ADGRL2: variants seen among roughly 807,000 people sequenced by gnomAD.
ADGRL2 encodes adhesion G protein-coupled receptor L2, also known as calcium-independent alpha-latrotoxin receptor 2.
A neutral mutation model predicts 157.4 loss-of-function variants in ADGRL2; 44 were observed. The ratio of observed to expected loss-of-function variants is 0.28; its 90% CI spans 0.22 to 0.36. The LOEUF is 0.36. Among genes scored for constraint, ADGRL2 ranks in the 10% least tolerant of loss-of-function variants. The probability of loss-of-function intolerance (pLI) is 1.00; values close to 1 mark genes in which losing one functional copy is unlikely to be tolerated. For synonymous variants in ADGRL2, 585 were observed against 624.7 expected, an observed-to-expected ratio of 0.94 and a Z score of 0.95; for missense variants, 1,510 against 1,768.9, an observed-to-expected ratio of 0.85 and a Z score of 2.63.
At chr1:81,368,931 C>T (rs187072330) in intron 1 of ADGRL2, among the ~76,000 whole-genome samples, 11 of 152,120 alleles carry the variant, frequency 7.2e-5, no homozygotes, top group Non-Finnish European at 1.6e-4. Context: ...TCCTCTATAA[C>T]CATAAAATAT....
chr1:81,490,333 T>C (rs2078604730), intron 2 of ADGRL2, among the ~76,000 whole-genome samples: 1 of 152,132 alleles, frequency 6.6e-6, no homozygotes, highest in Middle Eastern at 3.2e-3. Context: ...GGCTTCAACA[T>C]GTTAGTCAGG....
At chr1:81,723,553 A>C (rs1376940577) in intron 1 of ADGRL2, among the ~76,000 whole-genome samples, 1 of 152,246 alleles carries the variant, frequency 6.6e-6, no homozygotes. Context: ...TGAGTGAAAT[A>C]AAAGTTTATT....
intron 1 of ADGRL2, among the ~76,000 whole-genome samples, chr1:81,382,434 C>G (rs2076359445): frequency 6.6e-6 from 1 of 152,158 alleles, no homozygotes; most frequent in Admixed American, 6.5e-5. Context: ...TGTGAGCTAA[C>G]TACTTGTTAG....
At chr1:81,568,021 A>AT (rs1034189874) in intron 2 of ADGRL2, among the ~76,000 whole-genome samples, 70 of 151,898 alleles carry the variant, frequency 4.6e-4, no homozygotes, top group African/African-American at 1.1e-3. Context: ...GTTTTTTCTA[A>AT]TTTTTTCTGT....
At chr1:81,636,156 C>A (rs1233536033) in intron 3 of ADGRL2, among the ~76,000 whole-genome samples, 1 of 152,136 alleles carries the variant, frequency 6.6e-6, no homozygotes, top group African/African-American at 2.4e-5. Context: ...CCTCCCCTGG[C>A]TGCTCGGTGT....
intron 1 of ADGRL2, among the ~76,000 whole-genome samples, chr1:81,704,526 A>G (rs536540663): frequency 6.6e-6 from 1 of 152,294 alleles, no homozygotes; most frequent in African/African-American, 2.4e-5. Context: ...CAGTAGGAAA[A>G]GGAACAACAC....
chr1:81,829,736 G>A (rs984970910), intron 1 of ADGRL2, among the ~76,000 whole-genome samples: 2 of 152,172 alleles, frequency 1.3e-5, no homozygotes, highest in Non-Finnish European at 2.9e-5. Context: ...GAAGCCCCCA[G>A]ATGGCTTCCT....
At chr1:81,850,035 C>T (rs557126491) in intron 2 of ADGRL2, among the ~76,000 whole-genome samples, 3 of 149,036 alleles carry the variant, frequency 2.0e-5, no homozygotes, top group Admixed American at 6.7e-5. Flanking sequence ...GACTGTTTGA[C>T]TCGTCCTGCC....
chr1:81,556,492 C>T (rs2148419197), intron 2 of ADGRL2, among the ~76,000 whole-genome samples: 1 of 151,430 alleles, frequency 6.6e-6, no homozygotes, highest in African/African-American at 2.4e-5. Context: ...ATTTTTCCTT[C>T]ACATCAAACA....
chr1:81,862,834 T>A (rs1033071588), intron 2 of ADGRL2, among the ~76,000 whole-genome samples: 4 of 152,180 alleles, frequency 2.6e-5, no homozygotes, highest in African/African-American at 7.2e-5. Context: ...AATAAGTGAA[T>A]GATTCCTACC....
intron 1 of ADGRL2, chr1:81,722,532 T>G: frequency 2.6e-6 from 4 of 1,551,438 alleles, no homozygotes; most frequent in Middle Eastern, 2.3e-4. Flanking sequence ...AAATAAATCC[T>G]GATTCAGCTC....
chr1:81,413,379 C>A (rs1037441879), intron 1 of ADGRL2, among the ~76,000 whole-genome samples: 26 of 151,898 alleles, frequency 1.7e-4, no homozygotes, highest in African/African-American at 6.1e-4. Context: ...ATTTACTCAC[C>A]AGGCAGAGCA....
chr1:81,513,874 C>G (rs890534323), intron 2 of ADGRL2: 3 of 152,164 alleles, frequency 2.0e-5, no homozygotes, highest in African/African-American at 7.2e-5. Context: ...CAGAGAACCA[C>G]AGCAATGGGG....
At position 81,968,196 on chromosome 1, in the gene ADGRL2, T is replaced by G. The variant is rs761605949; in HGVS notation, c.2520T>G (p.Ile840Met). 6.2e-6 allele frequency: 10 copies of G among 1,611,436 alleles called. No homozygotes were observed. In the South Asian group the frequency reaches 1.0e-4, roughly 16 times the overall value. Residue 840 changes from isoleucine to methionine, a missense_variant, in exon 14 of 24, where the codon ATT (isoleucine) becomes ATG (methionine). Ile to Met is a conservative substitution (Grantham distance 10, BLOSUM62 1). Transcript: ENST00000686636. ...NFAILMAHRE[I>M]AYKDGVHELL... The stretch of plus-strand genomic sequence containing the variant: ...CAATTCTCATGGCCCACAGGGAAAT[T>G]GCAGTAAGTATTTGCACTTCTAATT...
intron 1 of ADGRL2, among the ~76,000 whole-genome samples, chr1:81,822,338 G>A (rs904850436): frequency 6.6e-6 from 1 of 151,510 alleles, no homozygotes; most frequent in African/African-American, 2.4e-5. Flanking sequence ...AGATGTGGAA[G>A]GCTACCTTGT....
chr1:81,683,786 G>A (rs2083170136), intron 3 of ADGRL2, among the ~76,000 whole-genome samples: 1 of 151,806 alleles, frequency 6.6e-6, no homozygotes, highest in Non-Finnish European at 1.5e-5. Context: ...CTATAAACAC[G>A]CTTGTGCAAG....
At chr1:81,584,985 A>G (rs1570571625) in intron 3 of ADGRL2, among the ~76,000 whole-genome samples, 1 of 152,260 alleles carries the variant, frequency 6.6e-6, no homozygotes, top group South Asian at 2.1e-4. Context: ...CACAACAATC[A>G]ATTAATTTTA....
chr1:81,934,498 T>A (rs974127918), intron 3 of ADGRL2, among the ~76,000 whole-genome samples: 8 of 151,910 alleles, frequency 5.3e-5, no homozygotes, highest in Non-Finnish European at 8.8e-5. Flanking sequence ...TATATATATA[T>A]AAATGGCCAA....
intron 1 of ADGRL2, among the ~76,000 whole-genome samples, chr1:81,332,436 T>G (rs1661339005): frequency 6.6e-6 from 1 of 152,200 alleles, no homozygotes; most frequent in African/African-American, 2.4e-5. Flanking sequence ...AAATATTTAA[T>G]ATGCCAATCA....
Sources: allele counts gnomAD v4.1 joint callset (sites outside exome capture counted in the v4.1 genomes callset), GRCh38; gene constraint gnomAD v4.1.1; transcripts MANE v1.5; gene names NCBI Gene and HGNC (gene_info 2026-07-23, HGNC 2026-07-21).